The following HIVEP3 variants were observed in gnomAD, a reference collection of about 807,000 sequenced individuals.
HIVEP3 encodes transcription factor HIVEP3.
A neutral mutation model predicts 152.8 loss-of-function variants in HIVEP3; 49 were observed. That is an observed-to-expected ratio of 0.32 (90% CI 0.26 to 0.41). The LOEUF (loss-of-function observed/expected upper bound fraction) is 0.41. HIVEP3 is among the 10% of genes least tolerant of loss of function. HIVEP3 has a pLI of 1.00. For missense variants in HIVEP3, 2,790 were observed against 3,103.3 expected (o/e 0.90, Z 2.40); for synonymous variants, 1,269 against 1,289.0 (o/e 0.98, Z 0.33).
chr1:41,665,476 T>C (rs2124057011), intron 2 of HIVEP3, among the ~76,000 whole-genome samples: 1 of 151,986 alleles, frequency 6.6e-6, no homozygotes, highest in Admixed American at 6.5e-5. Context: ...CATTTCTGTG[T>C]TGGGAACATG....
chr1:41,518,031 C>T (rs545448251), intron 7 of HIVEP3, among the ~76,000 whole-genome samples: 50 of 152,322 alleles, frequency 3.3e-4, no homozygotes, highest in African/African-American at 1.1e-3. Context: ...ATTTAGAACC[C>T]GCCTGACACA....
At chr1:41,891,628 G>A (rs1180862823) in intron 1 of HIVEP3, among the ~76,000 whole-genome samples, 1 of 152,144 alleles carries the variant, frequency 6.6e-6, no homozygotes, top group Admixed American at 6.5e-5. Context: ...TGAATGTGTG[G>A]GGCTCCCTCC....
chr1:42,027,073 C>CTGT lies in HIVEP3; in HGVS notation n.119+8731_119+8733dup, dbSNP rs942934941. On this transcript the variant is annotated intron_variant and non_coding_transcript_variant, in intron 1 of 3. Coordinates refer to the HIVEP3 transcript ENST00000489103. ...TGCTGTGAATAGAGTTTTCAAGGTT[C>CTGT]TGTTGTTGTTGTTGTTGACCTTGCT... Among the ~76,000 whole-genome samples, 10 of 152,040 alleles carry CTGT rather than the reference C, an allele frequency of 6.6e-5. No homozygotes were observed. The East Asian group carries it at 7.7e-4, about 12-fold the overall frequency.
chr1:41,661,809 C>A (rs1414668719), intron 2 of HIVEP3, among the ~76,000 whole-genome samples: 1 of 152,206 alleles, frequency 6.6e-6, no homozygotes, highest in Non-Finnish European at 1.5e-5. Context: ...TGCACGCCAA[C>A]GGCCGTGCCA....
At chr1:41,933,875 T>A (rs1645007404) in intron 1 of HIVEP3, among the ~76,000 whole-genome samples, 1 of 152,090 alleles carries the variant, frequency 6.6e-6, no homozygotes, top group African/African-American at 2.4e-5. Context: ...TTCCCAGTGA[T>A]CCCATCCCTC....
At chr1:41,815,708 T>C (rs543220241) in intron 1 of HIVEP3, among the ~76,000 whole-genome samples, 1 of 151,650 alleles carries the variant, frequency 6.6e-6, no homozygotes, top group African/African-American at 2.4e-5. Flanking sequence ...AAAACACATA[T>C]CATGAATCGC....
intron 5 of HIVEP3, among the ~76,000 whole-genome samples, chr1:41,556,817 G>A (rs1015927996): frequency 2.0e-5 from 3 of 152,108 alleles, no homozygotes; most frequent in African/African-American, 7.2e-5. Flanking sequence ...TCTGTATATG[G>A]TGTAAGGTAT....
At chr1:41,995,417 T>A (rs1031808451) in intron 1 of HIVEP3, among the ~76,000 whole-genome samples, 4 of 152,150 alleles carry the variant, frequency 2.6e-5, no homozygotes, top group African/African-American at 7.2e-5. Flanking sequence ...AGTGAAAGCA[T>A]CTTTCAAAAA....
intron 1 of HIVEP3, among the ~76,000 whole-genome samples, chr1:41,769,249 A>C (rs747176602): frequency 6.6e-6 from 1 of 152,208 alleles, no homozygotes; most frequent in Non-Finnish European, 1.5e-5. Flanking sequence ...TTTCCAAAGC[A>C]CGTGCACCTC....
At chr1:41,786,286 C>A (rs987196332) in intron 1 of HIVEP3, among the ~76,000 whole-genome samples, 8 of 152,200 alleles carry the variant, frequency 5.3e-5, no homozygotes, top group African/African-American at 1.9e-4. Context: ...GTGAAAAATG[C>A]CTGGCACACA....
At chr1:41,897,195 G>A (rs1035207099) in intron 1 of HIVEP3, among the ~76,000 whole-genome samples, 3 of 152,152 alleles carry the variant, frequency 2.0e-5, no homozygotes, top group Admixed American at 1.3e-4. Flanking sequence ...GAAAATTACT[G>A]CAGAAACATC....
At chr1:41,607,850 T>A (rs1644843471) in intron 3 of HIVEP3, among the ~76,000 whole-genome samples, 1 of 152,238 alleles carries the variant, frequency 6.6e-6, no homozygotes, top group Non-Finnish European at 1.5e-5. Flanking sequence ...CTTCACCGTG[T>A]GGACATCTTT....
At chr1:41,665,924 C>G (rs1490781832) in intron 2 of HIVEP3, among the ~76,000 whole-genome samples, 1 of 152,148 alleles carries the variant, frequency 6.6e-6, no homozygotes, top group East Asian at 1.9e-4. Flanking sequence ...TCCCAAGGAG[C>G]TAGGGACCAG....
intron 1 of HIVEP3, among the ~76,000 whole-genome samples, chr1:41,747,975 A>C (rs542478406): frequency 6.6e-6 from 1 of 152,356 alleles, no homozygotes; most frequent in South Asian, 2.1e-4. Flanking sequence ...AGCACGGATG[A>C]TCCAGAGAAT....
At chr1:41,983,191 C>T (rs1377102502) in intron 1 of HIVEP3, among the ~76,000 whole-genome samples, 2 of 152,176 alleles carry the variant, frequency 1.3e-5, no homozygotes, top group East Asian at 1.9e-4. Context: ...AGGCCACAGA[C>T]CAATAGCAGA....
At chr1:41,934,577 T>C (rs1169561268) in intron 1 of HIVEP3, among the ~76,000 whole-genome samples, 1 of 152,122 alleles carries the variant, frequency 6.6e-6, no homozygotes. Flanking sequence ...TTTGCATCTT[T>C]TGCAACAGCA....
At chr1:41,830,108 C>G (rs1642918458) in intron 1 of HIVEP3, among the ~76,000 whole-genome samples, 1 of 152,206 alleles carries the variant, frequency 6.6e-6, no homozygotes, top group Non-Finnish European at 1.5e-5. Context: ...AAGTGACCAT[C>G]ATATCCATCA....
At chr1:41,936,896 A>G (rs943890473) in intron 1 of HIVEP3, among the ~76,000 whole-genome samples, 1 of 152,178 alleles carries the variant, frequency 6.6e-6, no homozygotes, top group Non-Finnish European at 1.5e-5. Flanking sequence ...GGGCTGTCCT[A>G]GGAAAACCAT....
At chr1:41,559,290 A>G (rs1218923679) in intron 5 of HIVEP3, among the ~76,000 whole-genome samples, 1 of 152,082 alleles carries the variant, frequency 6.6e-6, no homozygotes, top group African/African-American at 2.4e-5. Context: ...GTCGTGCTGT[A>G]TTATCATTTA....
Sources: gnomAD v4.1 joint callset for allele counts (sites outside exome capture counted in the v4.1 genomes callset) on GRCh38, gnomAD v4.1.1 for gene constraint, MANE v1.5 for transcripts, NCBI Gene and HGNC (gene_info 2026-07-23, HGNC 2026-07-21) for gene names.